Variants in MEP1B observed in about 807,000 individuals in gnomAD.
MEP1B encodes N-benzoyl-L-tyrosyl-P-amino-benzoic acid hydrolase subunit beta.
MEP1B carries 80 observed loss-of-function variants against 84.6 expected under a neutral mutation model. That is an observed-to-expected ratio of 0.95 (90% CI 0.79 to 1.14). The LOEUF (loss-of-function observed/expected upper bound fraction) is 1.14, where lower values mean the gene tolerates loss of function less well. Among genes scored for constraint, MEP1B ranks in the 50% most tolerant of loss-of-function variants. The pLI, the probability that MEP1B is intolerant of heterozygous loss-of-function variation, is 0.00. For missense variants in MEP1B, 766 were observed against 855.1 expected (o/e 0.90, Z 1.30); for synonymous variants, 273 against 288.1 (o/e 0.95, Z 0.53).
At chr18:32,211,860 C>T (rs766653531) in intron 10 of MEP1B, among the ~76,000 whole-genome samples, 7 of 151,838 alleles carry the variant, frequency 4.6e-5, no homozygotes, top group Non-Finnish European at 8.8e-5. Context: ...CCATATTATG[C>T]AATATAGTAT....
At chr18:32,202,789 A>G (rs2040925020) in intron 5 of MEP1B, 104 bp from the exon 6 acceptor site, 2 of 668,450 alleles carry the variant, frequency 3.0e-6, no homozygotes, top group Non-Finnish European at 5.2e-6. Flanking sequence ...TCATGAAGGG[A>G]CTAACTCATG....
At position 32,210,721 on chromosome 18, in the gene MEP1B, A is replaced by G. The variant is rs2041017683; in HGVS notation, c.1135+5A>G. 10 of 1,607,864 alleles carry G rather than the reference A, an allele frequency of 6.2e-6. No homozygotes were observed. The highest frequency in any genetic ancestry group is 8.5e-6 in the Non-Finnish European group (10 of 1,175,136). ...CCCTTGTGGAAGAAATAAAAGGTAC[A>G]ATGTCAACATCCTTATTGTCTGGAT... On this transcript the variant is annotated splice_donor_5th_base_variant and intron_variant, in intron 10 of 14. Coordinates refer to ENST00000269202, the MANE Select transcript of MEP1B (RefSeq NM_005925.3).
At chr18:32,200,561 A>G (rs997878717) in intron 5 of MEP1B, among the ~76,000 whole-genome samples, 1 of 152,210 alleles carries the variant, frequency 6.6e-6, no homozygotes. Context: ...TTACTAAGCA[A>G]GGCCACTCTT....
In MEP1B at chr18:32,215,145, G is replaced by A; in HGVS notation, c.1643G>A (p.Gly548Glu). The A allele has an allele frequency of 6.2e-7, 1 of 1,609,986 alleles. No individual in the cohort carries two copies. Among genetic ancestry groups the A allele is most frequent in the Non-Finnish European group, 8.5e-7 (1 of 1,177,486 alleles). Residue 548 changes from glycine (G) to glutamate (E), a missense_variant, in exon 12 of 15, where the codon GGA (glycine) becomes GAA (glutamate). Transcript: ENST00000269202. The part of the protein sequence containing the change: ...KVGTVALFSN[G>E]TQFRRGGGYG... The stretch of plus-strand genomic sequence containing the variant: ...GGAACAGTGGCTTTGTTCTCTAATG[G>A]AACTCAGTTTAGAAGAGGTGGGGGC...
intron 5 of MEP1B, among the ~76,000 whole-genome samples, chr18:32,195,823 C>T (rs1271503512): frequency 6.6e-6 from 1 of 152,096 alleles, no homozygotes; most frequent in Non-Finnish European, 1.5e-5. Flanking sequence ...TTCATTGAAC[C>T]AGTGCAAAAA....
rs1485943817 is a variant in MEP1B, at chr18:32,210,688, C to A, written c.1107C>A (p.Gly369=). The part of the protein sequence containing the change: ...IREYSADNVD[G]NLTLVEEIKE... ...AGTATTCTGCAGACAATGTGGATGG[C>A]AATTTAACCCTTGTGGAAGAAATAA... Residue 369 remains glycine, a synonymous_variant, in exon 10 of 15, where the codon GGC becomes GGA. Transcript: ENST00000269202. 6.2e-7 allele frequency: 1 copy of A among 1,613,474 alleles called. No homozygotes were observed. Among genetic ancestry groups the A allele is most frequent in the East Asian group, 2.2e-5 (1 of 44,892 alleles).
At chr18:32,215,315 T>G in intron 12 of MEP1B, 54 bp downstream of exon 12, 2 of 1,134,232 alleles carry the variant, frequency 1.8e-6, no homozygotes, top group Non-Finnish European at 2.5e-6. Flanking sequence ...TTGTGGCCAC[T>G]GATTATTTTC....
At chr18:32,200,152 T>G (rs1368557793) in intron 5 of MEP1B, among the ~76,000 whole-genome samples, 1 of 152,132 alleles carries the variant, frequency 6.6e-6, no homozygotes, top group African/African-American at 2.4e-5. Context: ...ATTACCATAG[T>G]CTCTGGCGTA....
rs9948580 is a variant in MEP1B at position 32,210,777 on chromosome 18, T to C, written c.1135+61T>C. 6.3e-3 allele frequency: 8,746 copies of C among 1,393,226 alleles called. 352 individuals are homozygous for C. The African/African-American group carries it at 0.098, about 16-fold the overall frequency. The allele number at this position is 1,393,226 out of a possible 1,614,324, so 86.3% of individuals were successfully genotyped here. A position where few individuals can be genotyped will look rare whatever the true frequency, so the allele number is the denominator to read the frequency against. On this transcript the variant is annotated intron_variant, in intron 10 of 14. Transcript: ENST00000269202. The stretch of plus-strand genomic sequence containing the variant: ...ATGAGGCAATCTTAGGTCTTTTCTT[T>C]AGTTAATGCAACAATTTACAATAGG...
intron 5 of MEP1B, among the ~76,000 whole-genome samples, chr18:32,199,173 T>C (rs1295687895): frequency 6.6e-6 from 1 of 152,224 alleles, no homozygotes; most frequent in Non-Finnish European, 1.5e-5. Flanking sequence ...AAATTCTTGG[T>C]ATATGACCTG....
chr18:32,202,925 T>C lies in MEP1B; in HGVS notation c.283T>C (p.Phe95Leu), dbSNP rs139921933. 527 of 1,612,188 alleles carry C rather than the reference T, an allele frequency of 3.3e-4. 2 individuals are homozygous for C. In the African/African-American group the frequency reaches 5.2e-3, roughly 16 times the overall value. The change falls in exon 6 of 15, where the codon TTT becomes CTT. Residue 95 changes from phenylalanine to leucine, a missense_variant. Transcript: ENST00000269202. ...MNAKGVILNA[F>L]ERYRLKTCID... The stretch of plus-strand genomic sequence containing the variant: ...TGCTAAGGGAGTTATCCTCAATGCA[T>C]TTGAACGTTATCGCCTTAAAACATG...
intron 2 of MEP1B, among the ~76,000 whole-genome samples, chr18:32,192,359 T>C: frequency 6.6e-6 from 1 of 152,122 alleles, no homozygotes; most frequent in Non-Finnish European, 1.5e-5. Flanking sequence ...GTCTTTCAAA[T>C]TATGCTTAAT....
Position 32,220,295 on chromosome 18 carries a change from A to C in MEP1B, c.*50A>C. The C allele has an allele frequency of 6.3e-7, 1 of 1,575,996 alleles. No homozygotes were observed. The highest frequency in any genetic ancestry group is 8.7e-7 in the Non-Finnish European group (1 of 1,152,686). ...CTAATGAAATTAAAAAGGATTCTTC[A>C]TCATGGATTTCGCCTAAGTGATATT... On this transcript the variant is annotated 3_prime_UTR_variant, in exon 15 of 15. Coordinates refer to ENST00000269202, the MANE Select transcript of MEP1B (RefSeq NM_005925.3).
intron 1 of MEP1B, among the ~76,000 whole-genome samples, chr18:32,191,480 C>G (rs1212031593): frequency 6.6e-6 from 1 of 151,924 alleles, no homozygotes; most frequent in Non-Finnish European, 1.5e-5. Context: ...AAACATTGCT[C>G]CATGAATGCT....
Position 32,195,607 on chromosome 18 carries a change from G to A in MEP1B, c.250+122G>A, listed in dbSNP as rs1432624453. On this transcript the variant is annotated intron_variant, in intron 5 of 14. Transcript: ENST00000269202. ...TTTGTTTGGTTTGCTCCTTTGTGTG[G>A]CTATGTACATTTACTTTGAAAAAAA... 5.0e-5 allele frequency: 29 copies of A among 581,074 alleles called. 1 individual carries two copies. Among genetic ancestry groups the A allele is most frequent in the South Asian group, 5.0e-4 (17 of 34,338 alleles). 36.0% of individuals were successfully genotyped at this position (581,074 alleles called of 1,614,324 possible). A position where few individuals can be genotyped will look rare whatever the true frequency, so the allele number is the denominator to read the frequency against.
At position 32,204,283 on chromosome 18, in the gene MEP1B, C is replaced by T. The variant is rs1418347073; in HGVS notation, c.470C>T (p.Ala157Val). ...ACAGTTCAACACGAGTTCCTCCACGCTCTGGGATTCTGGCATGAGCAGTCG... is the reference window on the plus strand; with the variant it reads ...ACAGTTCAACACGAGTTCCTCCACGTTCTGGGATTCTGGCATGAGCAGTCG... ...IATVQHEFLH[A>V]LGFWHEQSRS... The change falls in exon 7 of 15, where the codon GCT becomes GTT. Residue 157 changes from alanine to valine, a missense_variant. Physicochemically the swap from Ala to Val is moderately conservative, Grantham distance 64. Transcript: ENST00000269202. The T allele has an allele frequency of 1.2e-6, 2 of 1,603,662 alleles. No homozygotes were observed. Among genetic ancestry groups the T allele is most frequent in the South Asian group, 2.3e-5 (2 of 88,576 alleles).
chr18:32,204,693 C>T (rs1036320031), intron 7 of MEP1B, among the ~76,000 whole-genome samples: 5 of 152,134 alleles, frequency 3.3e-5, no homozygotes, highest in African/African-American at 1.2e-4. Context: ...TAACAAAACA[C>T]CACAGACTGG....
intron 5 of MEP1B, among the ~76,000 whole-genome samples, chr18:32,200,026 A>G (rs1051549108): frequency 6.7e-6 from 1 of 148,350 alleles, no homozygotes; most frequent in Admixed American, 6.8e-5. Flanking sequence ...ATCTTAGGCT[A>G]TTTTTTTTTT....
intron 5 of MEP1B, among the ~76,000 whole-genome samples, chr18:32,197,483 A>G (rs2040867809): frequency 6.7e-6 from 1 of 150,278 alleles, no homozygotes; most frequent in African/African-American, 2.5e-5. Context: ...GCAGTGGCAT[A>G]ATCTCGGCTC....
Sources: allele counts gnomAD v4.1 joint callset (sites outside exome capture counted in the v4.1 genomes callset), GRCh38; gene constraint gnomAD v4.1.1; transcripts MANE v1.5; gene names NCBI Gene and HGNC (gene_info 2026-07-23, HGNC 2026-07-21).